The following NBAS variants were observed in gnomAD, a reference collection of about 807,000 sequenced individuals.
NBAS encodes NBAS subunit of NRZ tethering complex.
A neutral mutation model predicts 302.5 loss-of-function variants in NBAS; 219 were observed. The ratio of observed to expected loss-of-function variants is 0.72; its 90% CI spans 0.65 to 0.81. The LOEUF (loss-of-function observed/expected upper bound fraction) is 0.81. NBAS is among the 30% of genes least tolerant of loss of function. NBAS has a pLI of 0.00. For missense variants in NBAS, 2,932 were observed against 2,841.6 expected, an observed-to-expected ratio of 1.03 and a Z score of -0.72; for synonymous variants, 1,118 against 1,021.6, an observed-to-expected ratio of 1.09 and a Z score of -1.80.
At chr2:15,262,403 C>A (rs1668888010) in intron 44 of NBAS, among the ~76,000 whole-genome samples, 1 of 152,262 alleles carries the variant, frequency 6.6e-6, no homozygotes, top group East Asian at 1.9e-4. Flanking sequence ...GGTAGTTAAA[C>A]CAATTTTAAT....
the NBAS span, among the ~76,000 whole-genome samples, chr2:14,869,230 G>A: frequency 6.6e-6 from 1 of 152,094 alleles, no homozygotes; most frequent in African/African-American, 2.4e-5. Context: ...CACCTAGAAT[G>A]GTGTTCATTC....
Position 15,179,117 on chromosome 2 carries a change from C to A in NBAS, c.6712-1G>T, listed in dbSNP as rs1170617973. ...GCAGCAGACACAGCTCCTTCACACCCTGAAACCACAGAGCAGGGGTGAGCG... is the reference window on the plus strand; with the variant it reads ...GCAGCAGACACAGCTCCTTCACACCATGAAACCACAGAGCAGGGGTGAGCG... On this transcript the variant is annotated splice_acceptor_variant, in intron 50 of 51. Coordinates refer to ENST00000281513, the MANE Select transcript of NBAS (RefSeq NM_015909.4). LOFTEE classifies it high-confidence loss of function. The A allele has an allele frequency of 6.2e-7, 1 of 1,614,116 alleles. No homozygotes were observed. The highest frequency in any genetic ancestry group is 2.2e-5 in the East Asian group (1 of 44,874).
At chr2:15,479,350 C>T (rs1011931065) in intron 12 of NBAS, among the ~76,000 whole-genome samples, 1 of 152,122 alleles carries the variant, frequency 6.6e-6, no homozygotes, top group African/African-American at 2.4e-5. Flanking sequence ...TTATTGAAAA[C>T]AGTCAACTAA....
chr2:15,436,171 C>T (rs1678004562), intron 21 of NBAS, among the ~76,000 whole-genome samples: 1 of 152,046 alleles, frequency 6.6e-6, no homozygotes, highest in South Asian at 2.1e-4. Context: ...ACTAGAAAGA[C>T]AAGATCAAAT....
chr2:15,386,858 A>C (rs1439911948), intron 28 of NBAS, among the ~76,000 whole-genome samples: 2 of 152,042 alleles, frequency 1.3e-5, no homozygotes, highest in Admixed American at 6.6e-5. Context: ...ATTTTTCTAC[A>C]GAGTAATCTG....
intron 48 of NBAS, among the ~76,000 whole-genome samples, chr2:15,202,498 C>T (rs1471777032): frequency 6.7e-6 from 1 of 150,302 alleles, no homozygotes; most frequent in Non-Finnish European, 1.5e-5. Flanking sequence ...ATGTGACCCC[C>T]TATAAATACG....
At chr2:14,870,802 C>A in the NBAS span, among the ~76,000 whole-genome samples, 1 of 151,880 alleles carries the variant, frequency 6.6e-6, no homozygotes, top group African/African-American at 2.4e-5. Context: ...CCCATGGAAG[C>A]AACCCAAAAT....
chr2:15,555,986 ACT>A lies in NBAS; in HGVS notation c.209+795_209+796del, dbSNP rs373831582. Among the ~76,000 whole-genome samples, 979 of 151,826 alleles carry A rather than the reference ACT, an allele frequency of 6.4e-3. 10 individuals carry two copies. The highest frequency in any genetic ancestry group is 0.023 in the African/African-American group (944 of 41,370). On this transcript the variant is annotated intron_variant, in intron 3 of 51. Coordinates refer to ENST00000281513, the MANE Select transcript of NBAS (RefSeq NM_015909.4). ...TCCCACACTCCTATCCTCTCCTTCC[ACT>A]CTCTCTTCCTACTCATTGCTCTATC...
intron 47 of NBAS, among the ~76,000 whole-genome samples, chr2:15,231,388 G>A (rs1667375901): frequency 6.6e-6 from 1 of 152,068 alleles, no homozygotes; most frequent in Non-Finnish European, 1.5e-5. Context: ...AGCCATGCAG[G>A]GAAATAGACT....
At chr2:15,023,080 T>C in the NBAS span, among the ~76,000 whole-genome samples, 1 of 152,168 alleles carries the variant, frequency 6.6e-6, no homozygotes, top group Non-Finnish European at 1.5e-5. Flanking sequence ...GTTATTTCAA[T>C]TTTCTAGAGA....
chr2:14,943,837 T>A, the NBAS span, among the ~76,000 whole-genome samples: 1 of 151,930 alleles, frequency 6.6e-6, no homozygotes, highest in Non-Finnish European at 1.5e-5. Context: ...TATTTTCCAA[T>A]AGGATTTGAG....
At chr2:15,325,355 T>C (rs1341512923) in intron 38 of NBAS, among the ~76,000 whole-genome samples, 2 of 151,492 alleles carry the variant, frequency 1.3e-5, no homozygotes, top group East Asian at 3.9e-4. Context: ...ACCATGCATA[T>C]ATCTTAATTT....
chr2:15,260,873 C>T (rs1668818389), intron 44 of NBAS, among the ~76,000 whole-genome samples: 1 of 152,126 alleles, frequency 6.6e-6, no homozygotes, highest in South Asian at 2.1e-4. Context: ...TGTCAGGAAA[C>T]GATATGACCC....
intron 36 of NBAS, among the ~76,000 whole-genome samples, chr2:15,328,852 A>G (rs1261736204): frequency 1.3e-5 from 2 of 152,146 alleles, no homozygotes; most frequent in African/African-American, 4.8e-5. Flanking sequence ...ATCCGCTTCT[A>G]TGTCTTTCTC....
At chr2:14,831,620 A>G in the NBAS span, among the ~76,000 whole-genome samples, 1 of 152,166 alleles carries the variant, frequency 6.6e-6, no homozygotes, top group African/African-American at 2.4e-5. Context: ...ATTTGCATGG[A>G]GACCAAAATC....
the NBAS span, among the ~76,000 whole-genome samples, chr2:14,830,095 G>A: frequency 2.6e-5 from 4 of 152,296 alleles, no homozygotes; most frequent in African/African-American, 7.2e-5. Flanking sequence ...CCCATTCTGA[G>A]TGTGTCAGCT....
intron 47 of NBAS, among the ~76,000 whole-genome samples, chr2:15,224,916 T>G (rs1667092238): frequency 6.6e-6 from 1 of 152,206 alleles, no homozygotes. Flanking sequence ...TGTCTTCTAT[T>G]TATCAGCTCC....
At chr2:15,157,451 T>G in the NBAS span, among the ~76,000 whole-genome samples, 1 of 152,150 alleles carries the variant, frequency 6.6e-6, no homozygotes, top group Admixed American at 6.5e-5. Flanking sequence ...CTGGGCAACT[T>G]CCACAGCTCC....
chr2:15,300,782 G>C (rs922028989), intron 40 of NBAS, among the ~76,000 whole-genome samples: 1 of 152,204 alleles, frequency 6.6e-6, no homozygotes, highest in Non-Finnish European at 1.5e-5. Flanking sequence ...CACACACAAG[G>C]AACAGACAGA....
Sources: allele counts gnomAD v4.1 joint callset (sites outside exome capture counted in the v4.1 genomes callset), GRCh38; gene constraint gnomAD v4.1.1; transcripts MANE v1.5; gene names NCBI Gene and HGNC (gene_info 2026-07-23, HGNC 2026-07-21).